AKAP3: variants seen among roughly 807,000 people sequenced by gnomAD.
AKAP3 encodes A-kinase anchoring protein 3, also known as A-kinase anchor protein 3.
Under a neutral mutation model 57.2 loss-of-function variants are expected in AKAP3, and 27 were observed. The ratio of observed to expected loss-of-function variants is 0.47; its 90% CI spans 0.35 to 0.65. The LOEUF (loss-of-function observed/expected upper bound fraction) is 0.65, where lower values mean the gene tolerates loss of function less well. Ranked by LOEUF, AKAP3 falls within the 30% of genes least tolerant of loss-of-function variation. AKAP3 has a pLI of 0.01. For synonymous variants in AKAP3, 334 were observed against 392.3 expected (o/e 0.85, Z 1.76); for missense variants, 959 against 1,040.0 (o/e 0.92, Z 1.07).
At chr12:4,638,541 T>A (rs1364749014) in intron 3 of AKAP3, among the ~76,000 whole-genome samples, 1 of 152,220 alleles carries the variant, frequency 6.6e-6, no homozygotes, top group African/African-American at 2.4e-5. Flanking sequence ...CTCACAGGAT[T>A]TTCAGTAGAC....
At chr12:4,622,417 C>A (rs779438994) in intron 5 of AKAP3, among the ~76,000 whole-genome samples, 1 of 152,152 alleles carries the variant, frequency 6.6e-6, no homozygotes, top group Non-Finnish European at 1.5e-5. Flanking sequence ...CAGCATGGTA[C>A]TGGTACAAAA....
At chr12:4,633,605 A>G (rs1042015019) in intron 4 of AKAP3, among the ~76,000 whole-genome samples, 3 of 151,972 alleles carry the variant, frequency 2.0e-5, no homozygotes, top group Non-Finnish European at 4.4e-5. Flanking sequence ...CAACTATAGT[A>G]TTCTGAGCAA....
intron 4 of AKAP3, among the ~76,000 whole-genome samples, chr12:4,630,394 A>G (rs1438135055): frequency 1.3e-5 from 2 of 152,234 alleles, no homozygotes; most frequent in African/African-American, 4.8e-5. Context: ...TTTCGTATTC[A>G]GATGCAATTC....
intron 3 of AKAP3, among the ~76,000 whole-genome samples, chr12:4,639,600 CG>C (rs1364808633): frequency 1.3e-5 from 2 of 150,548 alleles, no homozygotes; most frequent in African/African-American, 4.9e-5. Context: ...CAACAGGCCC[CG>C]GTGTGTGATG....
At chr12:4,634,172 G>C (rs1945536198) in intron 4 of AKAP3, among the ~76,000 whole-genome samples, 1 of 151,964 alleles carries the variant, frequency 6.6e-6, no homozygotes, top group African/African-American at 2.4e-5. Flanking sequence ...CTAAAATAGT[G>C]CAATATACCG....
chr12:4,638,834 A>G (rs1945598667), intron 3 of AKAP3, among the ~76,000 whole-genome samples: 1 of 152,184 alleles, frequency 6.6e-6, no homozygotes, highest in Non-Finnish European at 1.5e-5. Context: ...GCCTTTGTCT[A>G]TGGACGCAGT....
chr12:4,639,885 C>G (rs1340739091), intron 3 of AKAP3, among the ~76,000 whole-genome samples: 9 of 147,202 alleles, frequency 6.1e-5, no homozygotes, highest in Non-Finnish European at 1.2e-4. Flanking sequence ...GGCACCATCT[C>G]GGCTCACTGC....
intron 5 of AKAP3, among the ~76,000 whole-genome samples, chr12:4,619,460 G>A (rs1232996000): frequency 2.0e-5 from 3 of 151,974 alleles, no homozygotes; most frequent in Admixed American, 6.6e-5. Context: ...GGGAGGCTGA[G>A]GTGGGAGGAT....
At chr12:4,644,244 G>C (rs1035329907) in intron 2 of AKAP3, among the ~76,000 whole-genome samples, 1 of 152,092 alleles carries the variant, frequency 6.6e-6, no homozygotes, top group Admixed American at 6.5e-5. Flanking sequence ...TCACCACATA[G>C]CTATAGATAT....
At position 4,627,608 on chromosome 12, in the gene AKAP3, C is replaced by T. The variant is rs1339944835; in HGVS notation, c.1294G>A (p.Glu432Lys). The change falls in exon 5 of 6, where the codon GAA becomes AAA. Residue 432 changes from glutamate (E) to lysine (K), a missense_variant. Physicochemically the swap from Glu to Lys is moderately conservative, Grantham distance 56. Transcript: ENST00000228850. The stretch of plus-strand genomic sequence containing the variant: ...GATTTGGGTTCAGAATACATTTTTT[C>T]TCTCAATTTAGTTTCAGATTTCATG... ...FAMKSETKLR[E>K]KMYSEPKSEE... 1 of 1,614,036 alleles carries T rather than the reference C, an allele frequency of 6.2e-7. No homozygotes were observed. Among genetic ancestry groups the T allele is most frequent in the Admixed American group, 1.7e-5 (1 of 60,030 alleles).
chr12:4,631,473 T>A (rs1042609679), intron 4 of AKAP3: 1 of 609,578 alleles, frequency 1.6e-6, no homozygotes, highest in Non-Finnish European at 2.9e-6. Context: ...AGTGTCTGTA[T>A]CACTATGTGT....
chr12:4,619,917 AC>A (rs1945326263), intron 5 of AKAP3, among the ~76,000 whole-genome samples: 1 of 152,238 alleles, frequency 6.6e-6, no homozygotes, highest in South Asian at 2.1e-4. Flanking sequence ...GATGTAAAAG[AC>A]CACATACTTT....
At position 4,627,337 on chromosome 12, in the gene AKAP3, G is replaced by T. The variant is rs766908072; in HGVS notation, c.1565C>A (p.Ser522Tyr). ...KPENFMYDSD[S>Y]WAEDLIVSAL... is the part of the protein sequence containing the mutation. ...AGACACGATCAGGTCCTCGGCCCAG[G>T]AGTCTGAATCATACATAAAATTCTC... The change falls in exon 5 of 6, where the codon TCC (serine) becomes TAC (tyrosine). Residue 522 changes from serine (S) to tyrosine (Y), a missense_variant. Physicochemically the swap from Ser to Tyr is moderately radical, Grantham distance 144. Transcript: ENST00000228850. 1 of 1,614,102 alleles carries T rather than the reference G, an allele frequency of 6.2e-7. No individual in the cohort carries two copies. The highest frequency in any genetic ancestry group is 1.7e-5 in the Admixed American group (1 of 60,004).
At chr12:4,619,981 G>C (rs1453388860) in intron 5 of AKAP3, among the ~76,000 whole-genome samples, 2 of 152,178 alleles carry the variant, frequency 1.3e-5, no homozygotes, top group Non-Finnish European at 1.5e-5. Context: ...ATGATGGAAA[G>C]GTTAATGGTT....
At chr12:4,636,023 G>A (rs1211044377) in intron 4 of AKAP3, 1 of 1,504,522 alleles carries the variant, frequency 6.6e-7, no homozygotes, top group Non-Finnish European at 9.2e-7. Flanking sequence ...TGAAATTCAT[G>A]AAATGGGCCT....
At chr12:4,631,445 C>A in intron 4 of AKAP3, 1 of 669,724 alleles carries the variant, frequency 1.5e-6, no homozygotes, top group South Asian at 1.7e-5. Flanking sequence ...AGAATTGAAG[C>A]TATAAACTGT....
intron 5 of AKAP3, among the ~76,000 whole-genome samples, chr12:4,624,824 G>GTGTGTGTGTGTGTGTGTATATATATA (rs143324716): frequency 7.1e-6 from 1 of 140,996 alleles, no homozygotes; most frequent in African/African-American, 2.6e-5. Context: ...GTGTGTGTGT[G>GTGTGTGTGTGTGTGTGTATATATATA]TATATAAAAG....
At chr12:4,636,078 TC>T in intron 4 of AKAP3, 1 of 1,337,808 alleles carries the variant, frequency 7.5e-7, no homozygotes. Flanking sequence ...CAGCAGACTC[TC>T]CCAGAAATAC....
intron 1 of AKAP3, chr12:4,648,019 C>T (rs1040049764): frequency 2.6e-5 from 4 of 152,198 alleles, no homozygotes; most frequent in African/African-American, 7.2e-5. Flanking sequence ...ACCCGCCCTC[C>T]CCAAACTAGG....
Sources: gnomAD v4.1 joint callset for allele counts (sites outside exome capture counted in the v4.1 genomes callset) on GRCh38, gnomAD v4.1.1 for gene constraint, MANE v1.5 for transcripts, NCBI Gene and HGNC (gene_info 2026-07-23, HGNC 2026-07-21) for gene names.